The following NEGR1 variants were observed in gnomAD, a reference collection of about 807,000 sequenced individuals.
The protein encoded by NEGR1 is neuronal growth regulator 1.
Under a neutral mutation model 40.9 loss-of-function variants are expected in NEGR1, and 10 were observed. The observed-to-expected ratio is 0.24, with a 90% confidence interval of 0.15 to 0.42. The LOEUF is 0.42. NEGR1 is among the 10% of genes least tolerant of loss of function. The probability of loss-of-function intolerance (pLI) is 1.00; values close to 1 mark genes in which losing one functional copy is unlikely to be tolerated. For synonymous variants in NEGR1, 185 were observed against 166.8 expected (o/e 1.11, Z -0.84); for missense variants, 352 against 438.9 (o/e 0.80, Z 1.77).
At chr1:71,994,288 G>T (rs556848426) in intron 1 of NEGR1, among the ~76,000 whole-genome samples, 61 of 152,218 alleles carry the variant, frequency 4.0e-4, no homozygotes, top group African/African-American at 1.4e-3. Context: ...CAGCACTTTG[G>T]GAGGCCGAGG....
rs188136229 is a variant in NEGR1, at chr1:72,164,292, T to G, written c.176+118027A>C. Among the ~76,000 whole-genome samples, 59 of 135,690 alleles carry G rather than the reference T, an allele frequency of 4.3e-4. No homozygotes were observed. In the East Asian group the frequency reaches 9.4e-3, roughly 22 times the overall value. The allele number at this position is 135,690 out of a possible 152,430, so 89.0% of individuals were successfully genotyped here. ...ATGTAACCCATTGACTTGAAAACTG[T>G]TTTTTTTTTAAATTTTTATTTATTT... On this transcript the variant is annotated intron_variant, in intron 1 of 6. Transcript: ENST00000357731.
intron 1 of NEGR1, among the ~76,000 whole-genome samples, chr1:72,115,113 C>G (rs1338883359): frequency 6.6e-6 from 1 of 151,588 alleles, no homozygotes; most frequent in African/African-American, 2.4e-5. Context: ...CCTGAGTAAG[C>G]CTTTTATTTA....
intron 1 of NEGR1, among the ~76,000 whole-genome samples, chr1:72,196,291 C>G (rs557406884): frequency 6.6e-6 from 1 of 152,076 alleles, no homozygotes; most frequent in African/African-American, 2.4e-5. Context: ...ATTTCAAAAT[C>G]TGAAAAAACT....
intron 6 of NEGR1, among the ~76,000 whole-genome samples, chr1:71,576,672 C>T (rs146716175): frequency 4.0e-4 from 61 of 152,232 alleles, no homozygotes; most frequent in Middle Eastern, 3.4e-3. Context: ...AGAATACTAG[C>T]GAAGAACAAA....
intron 1 of NEGR1, among the ~76,000 whole-genome samples, chr1:72,056,899 A>C (rs1424746522): frequency 6.6e-6 from 1 of 151,510 alleles, no homozygotes; most frequent in East Asian, 1.9e-4. Context: ...AATTCCACAT[A>C]GTTATATTAC....
intron 6 of NEGR1, among the ~76,000 whole-genome samples, chr1:71,520,096 T>C (rs1321339655): frequency 6.6e-6 from 1 of 152,004 alleles, no homozygotes. Flanking sequence ...TGGCTTAATT[T>C]TTAAGTTTGT....
intron 6 of NEGR1, among the ~76,000 whole-genome samples, chr1:71,521,246 G>A (rs933602635): frequency 1.3e-5 from 2 of 151,894 alleles, no homozygotes. Context: ...AGCTTATAAG[G>A]ATACCAGAGC....
At chr1:71,710,944 A>C (rs531362342) in intron 3 of NEGR1, among the ~76,000 whole-genome samples, 104 of 152,272 alleles carry the variant, frequency 6.8e-4, no homozygotes, top group Admixed American at 2.5e-3. Flanking sequence ...CCCATTCTCC[A>C]TTATGTGCTT....
At chr1:71,807,834 G>C (rs996412308) in intron 2 of NEGR1, among the ~76,000 whole-genome samples, 6 of 151,980 alleles carry the variant, frequency 3.9e-5, no homozygotes, top group African/African-American at 1.5e-4. Flanking sequence ...CACCAAAAAA[G>C]CTCTGAGATT....
intron 2 of NEGR1, among the ~76,000 whole-genome samples, chr1:71,917,396 A>G (rs1373611984): frequency 6.6e-6 from 1 of 152,214 alleles, no homozygotes; most frequent in Non-Finnish European, 1.5e-5. Context: ...TCAGTATGTT[A>G]CATGAAATAT....
At position 71,638,637 on chromosome 1, in the gene NEGR1, A is replaced by G. The variant is rs564706143; in HGVS notation, c.668-27491T>C. On this transcript the variant is annotated intron_variant, in intron 4 of 6. Transcript: ENST00000357731. ...CCTTCACAACAGTTCTGTAAGTACT[A>G]TTATGATTTCCATTTTACAACTAAG... 4.6e-5 allele frequency among the ~76,000 whole-genome samples: 7 copies of G among 152,196 alleles called. No homozygotes were observed. In the South Asian group the frequency reaches 1.5e-3, roughly 32 times the overall value.
At chr1:71,793,604 T>C (rs140072626) in intron 2 of NEGR1, among the ~76,000 whole-genome samples, 2 of 152,162 alleles carry the variant, frequency 1.3e-5, no homozygotes, top group African/African-American at 4.8e-5. Context: ...TGACATTAAA[T>C]ATAGGCAATG....
chr1:72,023,776 G>A (rs887218672), intron 1 of NEGR1, among the ~76,000 whole-genome samples: 6 of 151,900 alleles, frequency 3.9e-5, no homozygotes, highest in African/African-American at 1.2e-4. Context: ...AGAGAAAACC[G>A]TTTAATGAAC....
At chr1:72,092,369 C>T (rs183372624) in intron 1 of NEGR1, among the ~76,000 whole-genome samples, 20 of 152,206 alleles carry the variant, frequency 1.3e-4, no homozygotes, top group African/African-American at 4.6e-4. Flanking sequence ...TGTGTTCCAC[C>T]TCCTGTAAAC....
chr1:71,659,720 GA>G (rs370104665), intron 4 of NEGR1, among the ~76,000 whole-genome samples: 12 of 152,056 alleles, frequency 7.9e-5, no homozygotes, highest in Admixed American at 7.9e-4. Context: ...CAAGCATATG[GA>G]AAAAAGCTAA....
intron 6 of NEGR1, among the ~76,000 whole-genome samples, chr1:71,560,719 G>A (rs899370900): frequency 2.6e-5 from 4 of 151,018 alleles, no homozygotes; most frequent in African/African-American, 9.7e-5. Context: ...GACCAGCCAA[G>A]ATTCTAAAAG....
intron 3 of NEGR1, among the ~76,000 whole-genome samples, chr1:71,760,157 G>GA (rs1159456454): frequency 1.3e-5 from 2 of 151,604 alleles, no homozygotes; most frequent in Admixed American, 6.6e-5. Context: ...AATTCCATAA[G>GA]AAAAAAAATC....
chr1:71,921,745 G>A (rs971715201), intron 2 of NEGR1, among the ~76,000 whole-genome samples: 28 of 136,968 alleles, frequency 2.0e-4, no homozygotes, highest in African/African-American at 3.5e-4. Flanking sequence ...GAATACCATC[G>A]CATGGTTCAT....
intron 2 of NEGR1, among the ~76,000 whole-genome samples, chr1:71,908,139 C>T (rs1661328454): frequency 6.6e-6 from 1 of 151,456 alleles, no homozygotes; most frequent in African/African-American, 2.4e-5. Context: ...TGCACATGTA[C>T]CTCATGAGTC....
Sources: allele counts gnomAD v4.1 joint callset (sites outside exome capture counted in the v4.1 genomes callset), GRCh38; gene constraint gnomAD v4.1.1; transcripts MANE v1.5; gene names NCBI Gene and HGNC (gene_info 2026-07-23, HGNC 2026-07-21).